Variants in KLF12 observed in about 807,000 individuals in gnomAD.
The protein encoded by KLF12 is KLF transcription factor 12.
In KLF12, 9 loss-of-function variants were observed where a neutral mutation model predicts 37.8. The ratio of observed to expected loss-of-function variants is 0.24; its 90% CI spans 0.14 to 0.42. KLF12 has a LOEUF of 0.42. Among genes scored for constraint, KLF12 ranks in the 10% least tolerant of loss-of-function variants. The pLI is 1.00. For synonymous variants in KLF12, 208 were observed against 202.1 expected, an observed-to-expected ratio of 1.03 and a Z score of -0.25; for missense variants, 411 against 516.0, an observed-to-expected ratio of 0.80 and a Z score of 1.97.
At chr13:74,122,354 T>C (rs1877678642) in intron 1 of KLF12, among the ~76,000 whole-genome samples, 1 of 152,094 alleles carries the variant, frequency 6.6e-6, no homozygotes, top group Non-Finnish European at 1.5e-5. Context: ...CAGAAAATAC[T>C]AATTCCAGTA....
rs757932259 is a variant in KLF12 at position 73,995,013 on chromosome 13, G to A, written c.10C>T (p.His4Tyr). The change falls in exon 2 of 8, where the codon CAT becomes TAT. Residue 4 changes from histidine to tyrosine, a missense_variant. Coordinates refer to ENST00000377669, the MANE Select transcript of KLF12 (RefSeq NM_007249.5). ...ACCTTTATTGTTTTTCTCTTCATAT[G>A]GATATTCATTCATCCATTTGTTCTT... 25 of 1,604,750 alleles carry A rather than the reference G, an allele frequency of 1.6e-5. No individual in the cohort carries two copies. The highest frequency in any genetic ancestry group is 3.4e-5 in the Admixed American group (2 of 59,628).
At chr13:73,717,735 T>A (rs1875924662) in intron 6 of KLF12, among the ~76,000 whole-genome samples, 1 of 152,194 alleles carries the variant, frequency 6.6e-6, no homozygotes. Context: ...CATAATTGAC[T>A]CACAGTTGCA....
chr13:73,822,394 T>G (rs73533821), intron 4 of KLF12, among the ~76,000 whole-genome samples: 33,437 of 152,062 alleles, frequency 0.22, 3,907 homozygotes, highest in East Asian at 0.47. Flanking sequence ...TTCTATCACA[T>G]GAATTACCGC....
chr13:74,120,510 G>T (rs561864708), intron 1 of KLF12, among the ~76,000 whole-genome samples: 13 of 151,830 alleles, frequency 8.6e-5, no homozygotes, highest in Non-Finnish European at 1.6e-4. Flanking sequence ...TATTATTTAG[G>T]TAAAGAAAGA....
At chr13:74,105,504 A>G (rs1267881860) in intron 1 of KLF12, among the ~76,000 whole-genome samples, 1 of 152,162 alleles carries the variant, frequency 6.6e-6, no homozygotes, top group Non-Finnish European at 1.5e-5. Context: ...TTTTTCCAAA[A>G]AGCAAACAAC....
At chr13:73,736,738 G>A (rs1014622479) in intron 6 of KLF12, among the ~76,000 whole-genome samples, 4 of 152,106 alleles carry the variant, frequency 2.6e-5, no homozygotes, top group African/African-American at 7.2e-5. Flanking sequence ...GGTATGTTGT[G>A]GTCAAGTGTT....
At chr13:74,233,736 C>A in the KLF12 span, among the ~76,000 whole-genome samples, 3 of 152,252 alleles carry the variant, frequency 2.0e-5, no homozygotes, top group African/African-American at 7.2e-5. Context: ...AATAAGGCAA[C>A]TTGTCACCTT....
At chr13:74,090,928 C>A (rs1875615154) in intron 1 of KLF12, among the ~76,000 whole-genome samples, 1 of 141,456 alleles carries the variant, frequency 7.1e-6, no homozygotes. Context: ...CCAAAACTAC[C>A]TTGAAAAAAA....
At chr13:74,189,847 T>A in the KLF12 span, among the ~76,000 whole-genome samples, 1 of 152,228 alleles carries the variant, frequency 6.6e-6, no homozygotes, top group Non-Finnish European at 1.5e-5. Flanking sequence ...TTAAAAAATT[T>A]TTTAATGACT....
intron 6 of KLF12, among the ~76,000 whole-genome samples, chr13:73,741,153 T>C (rs1157813335): frequency 6.6e-6 from 1 of 152,182 alleles, no homozygotes; most frequent in Non-Finnish European, 1.5e-5. Context: ...ATCCTGACAA[T>C]GTTCCCATGG....
intron 1 of KLF12, among the ~76,000 whole-genome samples, chr13:74,033,380 A>T (rs1374280868): frequency 6.6e-6 from 1 of 152,220 alleles, no homozygotes; most frequent in Non-Finnish European, 1.5e-5. Context: ...AACTGGTGTG[A>T]CCTGGAGTTA....
intron 6 of KLF12, among the ~76,000 whole-genome samples, chr13:73,748,827 G>C (rs1878546674): frequency 2.6e-5 from 4 of 152,232 alleles, no homozygotes; most frequent in Admixed American, 2.6e-4. Context: ...ACAGCAGGTA[G>C]AATTTGAATC....
intron 3 of KLF12, among the ~76,000 whole-genome samples, chr13:73,891,199 T>C (rs915270199): frequency 6.6e-6 from 1 of 152,108 alleles, no homozygotes; most frequent in Non-Finnish European, 1.5e-5. Context: ...TATTTTTTCA[T>C]GAGTATGGGT....
intron 5 of KLF12, among the ~76,000 whole-genome samples, chr13:73,803,465 A>G (rs1440017004): frequency 6.6e-6 from 1 of 152,026 alleles, no homozygotes; most frequent in Non-Finnish European, 1.5e-5. Flanking sequence ...TGAAATAGTA[A>G]ACCCTGCCTA....
the KLF12 span, among the ~76,000 whole-genome samples, chr13:74,185,569 C>A: frequency 6.6e-6 from 1 of 152,106 alleles, no homozygotes; most frequent in East Asian, 1.9e-4. Context: ...GTTACTTGAC[C>A]AGGGTCAAGT....
chr13:74,071,675 A>G (rs1874259134), intron 1 of KLF12, among the ~76,000 whole-genome samples: 1 of 152,248 alleles, frequency 6.6e-6, no homozygotes, highest in African/African-American at 2.4e-5. Flanking sequence ...CCTGGGCGAC[A>G]GAGCGAGACT....
At chr13:73,888,683 C>A (rs1431660939) in intron 3 of KLF12, among the ~76,000 whole-genome samples, 1 of 152,112 alleles carries the variant, frequency 6.6e-6, no homozygotes, top group Non-Finnish European at 1.5e-5. Flanking sequence ...AAAGAAACAA[C>A]AATTTTACAG....
At chr13:73,785,190 A>C (rs1594088877) in intron 5 of KLF12, among the ~76,000 whole-genome samples, 2 of 151,118 alleles carry the variant, frequency 1.3e-5, no homozygotes, top group African/African-American at 4.9e-5. Context: ...ATCACAGCTC[A>C]CTGAAGCCTC....
At chr13:74,287,191 C>T in the KLF12 span, among the ~76,000 whole-genome samples, 1 of 152,230 alleles carries the variant, frequency 6.6e-6, no homozygotes, top group East Asian at 1.9e-4. Flanking sequence ...AGGTAAGGGG[C>T]TGGCTGCCGC....
Sources: gnomAD v4.1 joint callset for allele counts (sites outside exome capture counted in the v4.1 genomes callset) on GRCh38, gnomAD v4.1.1 for gene constraint, MANE v1.5 for transcripts, NCBI Gene and HGNC (gene_info 2026-07-23, HGNC 2026-07-21) for gene names.